EPC1: variants seen among roughly 807,000 people sequenced by gnomAD.
EPC1 encodes enhancer of polycomb homolog 1.
In EPC1, 12 loss-of-function variants were observed where a neutral mutation model predicts 98.4. That is an observed-to-expected ratio of 0.12 (90% CI 0.08 to 0.20). The LOEUF is 0.20. EPC1 is among the 10% of genes least tolerant of loss of function. The pLI, the probability that EPC1 is intolerant of heterozygous loss-of-function variation, is 1.00. For missense variants in EPC1, 729 were observed against 990.5 expected (o/e 0.74, Z 3.54); for synonymous variants, 357 against 363.9 (o/e 0.98, Z 0.21).
In EPC1 at chr10:32,284,922, T is replaced by C; in HGVS notation, c.1520A>G (p.Asp507Gly). 1 of 1,614,200 alleles carries C rather than the reference T, an allele frequency of 6.2e-7. No homozygotes were observed. Among genetic ancestry groups the C allele is most frequent in the African/African-American group, 1.3e-5 (1 of 75,042 alleles). ...FANTSETNTS[D>G]KSFSKDLSQI... ...ACTGAGGTCTTTAGAGAAAGATTTG[T>C]CCGAGGTATTTGTTTCTGAGGTATT... Residue 507 changes from aspartate to glycine, a missense_variant, in exon 10 of 14, where the codon GAC (aspartate) becomes GGC (glycine). By Grantham distance (94) the Asp-to-Gly change is moderately conservative. This residue lies in a region of EPC1 where 390 missense variants were observed against 438.6 expected (regional missense o/e 0.89). Transcript: ENST00000319778.
At chr10:32,344,686 T>C (rs1412398690) in intron 1 of EPC1, among the ~76,000 whole-genome samples, 1 of 152,144 alleles carries the variant, frequency 6.6e-6, no homozygotes, top group Non-Finnish European at 1.5e-5. Flanking sequence ...CTGGGGAGGC[T>C]GAGGAAGGAG....
rs1838881409 is a variant in EPC1 at position 32,347,012 on chromosome 10, C to G, written c.-97G>C. ...TTCGGTCCCCACTCGCCAACCGCTG[C>G]CGGGGACTTGAGGGGCGGAGCGCAG... On this transcript the variant is annotated 5_prime_UTR_variant, in exon 1 of 14. Transcript: ENST00000319778. The G allele has an allele frequency of 6.5e-7, 1 of 1,530,720 alleles. No individual in the cohort carries two copies. Among genetic ancestry groups the G allele is most frequent in the South Asian group, 1.2e-5 (1 of 81,322 alleles). 94.8% of individuals were successfully genotyped at this position (1,530,720 alleles called of 1,614,324 possible). A position where few individuals can be genotyped will look rare whatever the true frequency, so the allele number is the denominator to read the frequency against.
intron 1 of EPC1, among the ~76,000 whole-genome samples, chr10:32,344,289 G>GT (rs763472264): frequency 7.9e-5 from 12 of 152,070 alleles, no homozygotes; most frequent in African/African-American, 1.2e-4. Flanking sequence ...TGTTTACCAG[G>GT]TACTTTTTAC....
chr10:32,377,798 C>T (rs1452447652), intron 1 of EPC1, among the ~76,000 whole-genome samples: 1 of 151,336 alleles, frequency 6.6e-6, no homozygotes, highest in African/African-American at 2.4e-5. Flanking sequence ...GATCTCCCAC[C>T]GTGTGCAAAA....
rs1839578218 is a variant in EPC1, at chr10:32,365,662, A to C, written c.3+12829T>G. 2.0e-5 allele frequency among the ~76,000 whole-genome samples: 3 copies of C among 151,080 alleles called. No individual in the cohort carries two copies. The South Asian group carries it at 6.3e-4, about 32-fold the overall frequency. On this transcript the variant is annotated intron_variant, in intron 1 of 13. Coordinates refer to the EPC1 transcript ENST00000375110. ...ACCCCTGTCTCTACTAAAATTCAAA[A>C]AAGAAAAAACTGGCTGGGCATAGTG... is the stretch of plus-strand genomic sequence containing the variant.
chr10:32,291,121 C>T, intron 6 of EPC1, 42 bp downstream of exon 6: 1 of 1,536,546 alleles, frequency 6.5e-7, no homozygotes, highest in Non-Finnish European at 9.0e-7. Flanking sequence ...GATAAAATAC[C>T]ATCCCATTAT....
chr10:32,316,550 A>T (rs1592588993), intron 1 of EPC1, among the ~76,000 whole-genome samples: 2 of 152,232 alleles, frequency 1.3e-5, no homozygotes, highest in South Asian at 4.1e-4. Context: ...CACCATAGGG[A>T]GTAAAAATAG....
intron 1 of EPC1, among the ~76,000 whole-genome samples, chr10:32,324,398 G>A (rs989119413): frequency 2.6e-5 from 4 of 151,346 alleles, no homozygotes; most frequent in African/African-American, 7.3e-5. Context: ...CTGCGTGGTG[G>A]CGGGTGCCTA....
At chr10:32,356,947 C>T (rs1839298092) in intron 1 of EPC1, among the ~76,000 whole-genome samples, 1 of 152,174 alleles carries the variant, frequency 6.6e-6, no homozygotes, top group Non-Finnish European at 1.5e-5. Flanking sequence ...CACCACTGCA[C>T]TCCAGCCTGG....
At chr10:32,325,249 T>C (rs1837205071) in intron 1 of EPC1, among the ~76,000 whole-genome samples, 1 of 152,184 alleles carries the variant, frequency 6.6e-6, no homozygotes, top group Non-Finnish European at 1.5e-5. Context: ...AAAAGAAAAG[T>C]GTGTATTACC....
At chr10:32,376,846 G>T (rs939835527) in intron 1 of EPC1, among the ~76,000 whole-genome samples, 1 of 152,020 alleles carries the variant, frequency 6.6e-6, no homozygotes, top group Non-Finnish European at 1.5e-5. Context: ...TACTATTTCA[G>T]TTGTTTTTAT....
chr10:32,336,077 T>TTC, intron 1 of EPC1, among the ~76,000 whole-genome samples: 1 of 151,696 alleles, frequency 6.6e-6, no homozygotes, highest in African/African-American at 2.4e-5. Context: ...CTTTTTTTTT[T>TTC]TTTTTTTTGA....
upstream of EPC1, among the ~76,000 whole-genome samples, chr10:32,349,957 A>G (rs1839063332): frequency 6.6e-6 from 1 of 152,178 alleles, no homozygotes; most frequent in Admixed American, 6.5e-5. Context: ...GGAAGGCAGC[A>G]GTAAAGATTC....
chr10:32,323,975 G>A lies in EPC1; in HGVS notation c.154-18044C>T, dbSNP rs180985949. Among the ~76,000 whole-genome samples the A allele has an allele frequency of 8.6e-5, 13 of 151,892 alleles. No homozygotes were observed. In the South Asian group the frequency reaches 2.3e-3, roughly 27 times the overall value. ...TTTTGAGACAGAGTCTCGCTCTGTC[G>A]CCCAGGCTGGAGAGCAGTGGCGCGA... On this transcript the variant is annotated intron_variant, in intron 1 of 13. Coordinates refer to ENST00000319778, the MANE Select transcript of EPC1 (RefSeq NM_001272004.3).
intron 1 of EPC1, among the ~76,000 whole-genome samples, chr10:32,333,769 G>A (rs960562291): frequency 1.3e-4 from 1 of 7,768 alleles, no homozygotes; most frequent in African/African-American, 1.7e-4. Context: ...AAGGCTTTAC[G>A]AGAAGGGTGT....
At chr10:32,359,597 G>C (rs2133098724) in intron 1 of EPC1, among the ~76,000 whole-genome samples, 1 of 152,246 alleles carries the variant, frequency 6.6e-6, no homozygotes, top group African/African-American at 2.4e-5. Context: ...CAAACGTCAT[G>C]CTTAATAAAC....
chr10:32,350,954 C>CCTAG (rs763027050), upstream of EPC1, among the ~76,000 whole-genome samples: 39 of 152,212 alleles, frequency 2.6e-4, no homozygotes, highest in Non-Finnish European at 4.7e-4. Context: ...TCACTTCACC[C>CCTAG]CTAGAAACAG....
intron 1 of EPC1, among the ~76,000 whole-genome samples, chr10:32,307,359 T>G (rs1158936183): frequency 6.6e-6 from 1 of 152,228 alleles, no homozygotes; most frequent in East Asian, 1.9e-4. Flanking sequence ...AGGGTATATC[T>G]AAGGTTGTAA....
chr10:32,372,006 T>C, intron 1 of EPC1, among the ~76,000 whole-genome samples: 1 of 152,230 alleles, frequency 6.6e-6, no homozygotes. Context: ...TATGTATATA[T>C]TAATTCCTTT....
Sources: allele counts gnomAD v4.1 joint callset (sites outside exome capture counted in the v4.1 genomes callset), GRCh38; gene constraint gnomAD v4.1.1; regional missense constraint gnomAD v4.1.1; transcripts MANE v1.5; gene names NCBI Gene and HGNC (gene_info 2026-07-23, HGNC 2026-07-21).